Variants in SYN3 observed in about 807,000 individuals in gnomAD.
SYN3 encodes synapsin-3.
Under a neutral mutation model 65.8 loss-of-function variants are expected in SYN3, and 35 were observed. That is an observed-to-expected ratio of 0.53 (90% CI 0.41 to 0.70). The LOEUF (loss-of-function observed/expected upper bound fraction) is 0.70, where lower values mean the gene tolerates loss of function less well. Ranked by LOEUF, SYN3 falls within the 30% of genes least tolerant of loss-of-function variation. SYN3 has a pLI of 0.00. For synonymous variants in SYN3, 270 were observed against 292.9 expected, an observed-to-expected ratio of 0.92 and a Z score of 0.80; for missense variants, 680 against 749.0, an observed-to-expected ratio of 0.91 and a Z score of 1.08.
At chr22:32,969,066 C>T (rs561013558) in intron 3 of SYN3, among the ~76,000 whole-genome samples, 1 of 152,282 alleles carries the variant, frequency 6.6e-6, no homozygotes, top group South Asian at 2.1e-4. Flanking sequence ...AACAGGGGGC[C>T]GTGCTGATGC....
At chr22:33,002,825 G>C (rs1184214138) in intron 2 of SYN3, among the ~76,000 whole-genome samples, 1 of 152,124 alleles carries the variant, frequency 6.6e-6, no homozygotes, top group African/African-American at 2.4e-5. Flanking sequence ...ATAGTTACTT[G>C]GTGCCTACTG....
chr22:32,650,299 C>CTCTA (rs147490796), intron 6 of SYN3, among the ~76,000 whole-genome samples: 2,082 of 125,108 alleles, frequency 0.017, 99 homozygotes, highest in African/African-American at 0.046. Context: ...CAGAGTCTCA[C>CTCTA]TCTATCACCC....
intron 6 of SYN3, among the ~76,000 whole-genome samples, chr22:32,720,007 C>T (rs2061094543): frequency 6.6e-6 from 1 of 152,154 alleles, no homozygotes. Flanking sequence ...CAGGTAGATA[C>T]CCAGAGCAGA....
At chr22:32,845,044 T>C (rs2048021166) in intron 6 of SYN3, among the ~76,000 whole-genome samples, 1 of 152,120 alleles carries the variant, frequency 6.6e-6, no homozygotes, top group Admixed American at 6.5e-5. Context: ...CTTGCTTCTT[T>C]TGACCACCAG....
intron 3 of SYN3, among the ~76,000 whole-genome samples, chr22:32,957,460 C>A (rs2051500793): frequency 6.6e-6 from 1 of 152,166 alleles, no homozygotes; most frequent in Admixed American, 6.5e-5. Context: ...AAGGCCCCAT[C>A]TGTTTTCAAT....
chr22:32,968,984 G>A (rs1044913759), intron 3 of SYN3, among the ~76,000 whole-genome samples: 8 of 152,202 alleles, frequency 5.3e-5, no homozygotes, highest in Non-Finnish European at 1.2e-4. Context: ...TTCAAGAAGT[G>A]AAAGGGCTTA....
intron 7 of SYN3, among the ~76,000 whole-genome samples, chr22:32,550,503 C>T (rs1479364896): frequency 6.6e-6 from 1 of 151,160 alleles, no homozygotes; most frequent in African/African-American, 2.4e-5. Flanking sequence ...TATTTTAAAC[C>T]ATGATAATAG....
chr22:32,697,439 T>G (rs569575296), intron 6 of SYN3, among the ~76,000 whole-genome samples: 1 of 152,358 alleles, frequency 6.6e-6, no homozygotes, highest in South Asian at 2.1e-4. Flanking sequence ...GTTATGAGGA[T>G]GAACTGAGTT....
chr22:32,918,508 T>C (rs1356979764), intron 4 of SYN3, among the ~76,000 whole-genome samples: 2 of 152,222 alleles, frequency 1.3e-5, no homozygotes, highest in Non-Finnish European at 2.9e-5. Context: ...TACAATAGCA[T>C]ATCTTATATC....
chr22:32,548,647 C>G (rs2071200321), intron 7 of SYN3, among the ~76,000 whole-genome samples: 1 of 152,184 alleles, frequency 6.6e-6, no homozygotes, highest in Admixed American at 6.5e-5. Context: ...GCTGGGATTA[C>G]AGGCGTGAGC....
intron 7 of SYN3, among the ~76,000 whole-genome samples, chr22:32,569,510 C>CT (rs1389231067): frequency 6.7e-6 from 1 of 149,544 alleles, no homozygotes; most frequent in Non-Finnish European, 1.5e-5. Context: ...AATGTATCAT[C>CT]TATCTATATC....
intron 1 of SYN3, among the ~76,000 whole-genome samples, chr22:33,007,623 C>T (rs963846714): frequency 3.9e-5 from 6 of 152,148 alleles, no homozygotes; most frequent in African/African-American, 1.4e-4. Flanking sequence ...TGTGTGAAAG[C>T]AAAGGTAAAA....
intron 1 of SYN3, among the ~76,000 whole-genome samples, chr22:33,011,361 T>G (rs1424358655): frequency 6.6e-6 from 1 of 152,202 alleles, no homozygotes. Context: ...TGCTTAACAA[T>G]GTGGTAAATT....
chr22:32,728,233 G>C (rs2061223786), intron 6 of SYN3, among the ~76,000 whole-genome samples: 1 of 152,250 alleles, frequency 6.6e-6, no homozygotes. Context: ...GGCAAACATT[G>C]ACAAGTGAGA....
intron 3 of SYN3, among the ~76,000 whole-genome samples, chr22:32,947,174 A>C (rs2051138541): frequency 1.3e-5 from 2 of 152,144 alleles, no homozygotes; most frequent in Admixed American, 6.5e-5. Context: ...AACTCTCTTC[A>C]TCTTTCAATT....
intron 7 of SYN3, among the ~76,000 whole-genome samples, chr22:32,563,286 C>T (rs2058613223): frequency 6.6e-6 from 1 of 152,202 alleles, no homozygotes; most frequent in African/African-American, 2.4e-5. Context: ...ATGAAGATCA[C>T]AGCCTGTAAG....
intron 6 of SYN3, among the ~76,000 whole-genome samples, chr22:32,829,145 G>C (rs1486077329): frequency 6.6e-6 from 1 of 152,164 alleles, no homozygotes; most frequent in African/African-American, 2.4e-5. Context: ...GCTTAATTCA[G>C]CTCGGCACTT....
chr22:32,650,319 TGC>T (rs1161410104), intron 6 of SYN3, among the ~76,000 whole-genome samples: 1 of 139,604 alleles, frequency 7.2e-6, no homozygotes, highest in African/African-American at 2.7e-5. Flanking sequence ...CAGGCTGGAG[TGC>T]AGTGGAGCGA....
Position 32,518,545 on chromosome 22 carries a change from G to C in SYN3, c.1319-211C>G, listed in dbSNP as rs147881352. 7.5e-4 allele frequency: 529 copies of C among 709,054 alleles called. 3 individuals carry two copies. The African/African-American group carries it at 8.4e-3, about 11-fold the overall frequency. The allele number at this position is 709,054 out of a possible 1,614,324, so 43.9% of individuals were successfully genotyped here. ...GGAATATGCTGTGGTCATCACATAG[G>C]ATGTGGCTGAGTAATACTAAATGAC... On this transcript the variant is annotated intron_variant, in intron 12 of 13. Transcript: ENST00000358763.
Sources: allele counts gnomAD v4.1 joint callset (sites outside exome capture counted in the v4.1 genomes callset), GRCh38; gene constraint gnomAD v4.1.1; transcripts MANE v1.5; gene names NCBI Gene and HGNC (gene_info 2026-07-23, HGNC 2026-07-21).